SEMA5A: variants seen among roughly 807,000 people sequenced by gnomAD.
SEMA5A encodes the protein semaphorin-5A.
SEMA5A carries 55 observed loss-of-function variants against 135.5 expected under a neutral mutation model. The observed-to-expected ratio is 0.41, with a 90% confidence interval of 0.33 to 0.51. The LOEUF (loss-of-function observed/expected upper bound fraction) is 0.51, where lower values mean the gene tolerates loss of function less well. Among genes scored for constraint, SEMA5A ranks in the 20% least tolerant of loss-of-function variants. The pLI is 0.37. For synonymous variants in SEMA5A, 580 were observed against 546.5 expected, an observed-to-expected ratio of 1.06 and a Z score of -0.85; for missense variants, 1,290 against 1,419.9, an observed-to-expected ratio of 0.91 and a Z score of 1.47.
At chr5:9,168,356 T>C (rs1579529615) in intron 11 of SEMA5A, among the ~76,000 whole-genome samples, 1 of 152,094 alleles carries the variant, frequency 6.6e-6, no homozygotes, top group East Asian at 1.9e-4. Context: ...TGACCAACAA[T>C]AAGGGGCTGT....
intron 3 of SEMA5A, among the ~76,000 whole-genome samples, chr5:9,353,653 G>C (rs1380641857): frequency 6.6e-6 from 1 of 152,136 alleles, no homozygotes; most frequent in Non-Finnish European, 1.5e-5. Context: ...GCATCCCATA[G>C]TTTTATATGG....
At chr5:9,201,595 G>A (rs1745705448) in intron 9 of SEMA5A, among the ~76,000 whole-genome samples, 1 of 152,252 alleles carries the variant, frequency 6.6e-6, no homozygotes, top group East Asian at 1.9e-4. Flanking sequence ...ATACACAAAT[G>A]CATGACTTGC....
chr5:9,370,239 A>G (rs1463899126), intron 3 of SEMA5A, among the ~76,000 whole-genome samples: 1 of 152,154 alleles, frequency 6.6e-6, no homozygotes, highest in Non-Finnish European at 1.5e-5. Context: ...TGCCATGAGC[A>G]CTCTGCTCAG....
intron 1 of SEMA5A, among the ~76,000 whole-genome samples, chr5:9,449,793 G>A (rs986352005): frequency 4.6e-5 from 7 of 152,158 alleles, no homozygotes; most frequent in African/African-American, 1.7e-4. Context: ...AGGTGCCTGG[G>A]TAACGTTTGG....
rs1388258492 is a variant in SEMA5A at position 9,154,097 on chromosome 5, G to GTA, written c.1481+390_1481+391insTA. 1.4e-3 allele frequency among the ~76,000 whole-genome samples: 155 copies of GTA among 111,400 alleles called. 2 individuals are homozygous for GTA. The highest frequency in any genetic ancestry group is 4.8e-3 in the African/African-American group (150 of 31,396). The allele number at this position is 111,400 out of a possible 152,430, so 73.1% of individuals were successfully genotyped here. ...TATATATATATATATATATATATGT[G>GTA]TGTGTGTGTATGTGTGTGTATGTAT... On this transcript the variant is annotated intron_variant, in intron 12 of 22. Transcript: ENST00000382496.
At chr5:9,302,767 C>G (rs1751672049) in intron 5 of SEMA5A, among the ~76,000 whole-genome samples, 1 of 152,168 alleles carries the variant, frequency 6.6e-6, no homozygotes, top group South Asian at 2.1e-4. Flanking sequence ...AAAGAAGATA[C>G]ATATCCATTA....
intron 11 of SEMA5A, among the ~76,000 whole-genome samples, chr5:9,157,189 G>GTT (rs1240160249): frequency 6.6e-6 from 1 of 152,176 alleles, no homozygotes; most frequent in Non-Finnish European, 1.5e-5. Context: ...GACCCTTCCT[G>GTT]TCTCCTTGAA....
At chr5:9,225,887 G>T (rs1304001195) in intron 7 of SEMA5A, among the ~76,000 whole-genome samples, 2 of 152,100 alleles carry the variant, frequency 1.3e-5, no homozygotes, top group Non-Finnish European at 2.9e-5. Context: ...GAGCAGAAGG[G>T]TCAGGCCCGG....
intron 1 of SEMA5A, among the ~76,000 whole-genome samples, chr5:9,539,093 A>G (rs1031745484): frequency 2.0e-5 from 3 of 152,190 alleles, no homozygotes; most frequent in African/African-American, 7.2e-5. Flanking sequence ...CAAAAGGCCT[A>G]GGCTGCCCAT....
chr5:9,387,135 C>T (rs1017950680), intron 2 of SEMA5A, among the ~76,000 whole-genome samples: 7 of 152,222 alleles, frequency 4.6e-5, no homozygotes, highest in African/African-American at 1.7e-4. Context: ...TTATATTCTA[C>T]AGCCCAAGCT....
At chr5:9,534,319 G>A (rs1386091653) in intron 1 of SEMA5A, among the ~76,000 whole-genome samples, 1 of 152,162 alleles carries the variant, frequency 6.6e-6, no homozygotes, top group Non-Finnish European at 1.5e-5. Flanking sequence ...AAACCTCAAG[G>A]CAGGAAGTGT....
At chr5:9,177,410 T>C (rs1463803585) in intron 11 of SEMA5A, among the ~76,000 whole-genome samples, 1 of 152,250 alleles carries the variant, frequency 6.6e-6, no homozygotes, top group East Asian at 1.9e-4. Context: ...ATGTTGACTC[T>C]ATCCCAATAT....
intron 2 of SEMA5A, among the ~76,000 whole-genome samples, chr5:9,428,988 A>G (rs1757763450): frequency 6.6e-6 from 1 of 152,252 alleles, no homozygotes; most frequent in Admixed American, 6.5e-5. Flanking sequence ...GAAGGACTAT[A>G]TGTATTTACA....
chr5:9,458,719 A>G (rs1758942104), intron 1 of SEMA5A, among the ~76,000 whole-genome samples: 1 of 152,192 alleles, frequency 6.6e-6, no homozygotes, highest in Non-Finnish European at 1.5e-5. Flanking sequence ...AAAATGGAGC[A>G]CAGGAACCCT....
chr5:9,367,732 T>G (rs573552429), intron 3 of SEMA5A, among the ~76,000 whole-genome samples: 8 of 152,332 alleles, frequency 5.3e-5, no homozygotes, highest in Admixed American at 4.6e-4. Context: ...TCTCCAAATC[T>G]CATGTTGGCA....
intron 1 of SEMA5A, among the ~76,000 whole-genome samples, chr5:9,492,604 C>G (rs1735076072): frequency 6.6e-6 from 1 of 152,162 alleles, no homozygotes; most frequent in African/African-American, 2.4e-5. Context: ...ATGTTTGCAA[C>G]ATGCAATTCT....
At chr5:9,432,034 CAGAG>C (rs1266922674) in intron 2 of SEMA5A, among the ~76,000 whole-genome samples, 1 of 152,256 alleles carries the variant, frequency 6.6e-6, no homozygotes, top group East Asian at 1.9e-4. Context: ...CAGCAGAGAA[CAGAG>C]AGAGAGGCAA....
Position 9,213,412 on chromosome 5 carries a change from T to C in SEMA5A, c.647-11172A>G, listed in dbSNP as rs148182900. 2.6e-3 allele frequency among the ~76,000 whole-genome samples: 398 copies of C among 152,260 alleles called. 1 individual carries two copies. The highest frequency in any genetic ancestry group is 9.1e-3 in the African/African-American group (379 of 41,542). ...TAACATTAATAGCTGAGGCTAAAAC[T>C]GAACATGGTAAGAAGAGTCAAAAGG... On this transcript the variant is annotated intron_variant, in intron 8 of 22. Coordinates refer to ENST00000382496, the MANE Select transcript of SEMA5A (RefSeq NM_003966.3).
At chr5:9,336,058 T>A (rs1350510057) in intron 4 of SEMA5A, among the ~76,000 whole-genome samples, 1 of 152,044 alleles carries the variant, frequency 6.6e-6, no homozygotes, top group East Asian at 1.9e-4. Context: ...ATGTGGTGGT[T>A]CAGGACTGCT....
Sources: gnomAD v4.1 joint callset for allele counts (sites outside exome capture counted in the v4.1 genomes callset) on GRCh38, gnomAD v4.1.1 for gene constraint, MANE v1.5 for transcripts, NCBI Gene and HGNC (gene_info 2026-07-23, HGNC 2026-07-21) for gene names.